Variants in RBFOX1 observed in about 807,000 individuals in gnomAD.
The protein encoded by RBFOX1 is RNA binding protein fox-1 homolog 1.
In RBFOX1, 8 loss-of-function variants were observed where a neutral mutation model predicts 57.7. The ratio of observed to expected loss-of-function variants is 0.14; its 90% CI spans 0.08 to 0.25. The LOEUF (loss-of-function observed/expected upper bound fraction) is 0.25. Among genes scored for constraint, RBFOX1 ranks in the 10% least tolerant of loss-of-function variants. RBFOX1 has a pLI of 1.00. For synonymous variants in RBFOX1, 326 were observed against 222.4 expected (o/e 1.47, Z -4.15); for missense variants, 611 against 548.5 (o/e 1.11, Z -1.14).
At chr16:5,849,843 C>A (rs970032695) in intron 3 of RBFOX1, among the ~76,000 whole-genome samples, 1 of 152,154 alleles carries the variant, frequency 6.6e-6, no homozygotes, top group African/African-American at 2.4e-5. Context: ...GTATTCTTTT[C>A]CCAAGAGGCA....
chr16:6,408,128 G>A (rs1362041180), intron 2 of RBFOX1, among the ~76,000 whole-genome samples: 1 of 152,074 alleles, frequency 6.6e-6, no homozygotes, highest in Non-Finnish European at 1.5e-5. Flanking sequence ...CCTTGATCTT[G>A]GACTTCCCTG....
chr16:6,829,261 T>C (rs557222410), intron 3 of RBFOX1, among the ~76,000 whole-genome samples: 3 of 133,862 alleles, frequency 2.2e-5, no homozygotes, highest in South Asian at 2.4e-4. Context: ...AAAAAAAAAA[T>C]AGCATAAAAG....
chr16:6,883,033 C>A (rs904809362), intron 3 of RBFOX1, among the ~76,000 whole-genome samples: 1 of 152,138 alleles, frequency 6.6e-6, no homozygotes, highest in African/African-American at 2.4e-5. Flanking sequence ...CTAGATAACC[C>A]ATATGTCTCC....
chr16:5,573,462 G>A (rs1303695511), intron 2 of RBFOX1, among the ~76,000 whole-genome samples: 1 of 152,216 alleles, frequency 6.6e-6, no homozygotes, highest in East Asian at 1.9e-4. Context: ...ATCGCTGGAG[G>A]CAGAGCCTGA....
chr16:6,949,026 C>T (rs575713062), intron 3 of RBFOX1, among the ~76,000 whole-genome samples: 5 of 152,160 alleles, frequency 3.3e-5, no homozygotes, highest in South Asian at 2.1e-4. Context: ...AAAAGAAATT[C>T]GACTCTATGG....
chr16:6,244,619 C>T (rs998104115), intron 1 of RBFOX1, among the ~76,000 whole-genome samples: 3 of 152,176 alleles, frequency 2.0e-5, no homozygotes, highest in Non-Finnish European at 2.9e-5. Flanking sequence ...AAGCAATTCT[C>T]CTGCCTCAGC....
Position 7,040,719 on chromosome 16 carries a change from A to T in RBFOX1, c.-15-11338A>T, listed in dbSNP as rs529519826. 2.4e-4 allele frequency among the ~76,000 whole-genome samples: 37 copies of T among 152,292 alleles called. No individual in the cohort carries two copies. In the South Asian group the frequency reaches 7.5e-3, roughly 31 times the overall value. On this transcript the variant is annotated intron_variant, in intron 3 of 15. Transcript: ENST00000550418. Reference sequence around the variant, plus strand: ...ATAGTTTTTTATACACAAATGGATTATAGGTTAAAAATGATTTTAACTTGC... The same window carrying T: ...ATAGTTTTTTATACACAAATGGATTTTAGGTTAAAAATGATTTTAACTTGC...
At position 7,001,398 on chromosome 16, in the gene RBFOX1, T is replaced by TGTATG. The variant is rs2092782327; in HGVS notation, c.-15-50659_-15-50658insGTATG. On this transcript the variant is annotated intron_variant, in intron 3 of 15. Transcript: ENST00000550418. ...TGTGTATGTGTATGTGTATGTGTATTTGTATATGTATATGTATATGTATAT... is the reference window on the plus strand; with the variant it reads ...TGTGTATGTGTATGTGTATGTGTATTGTATGTGTATATGTATATGTATATGTATAT... 8.1e-3 allele frequency among the ~76,000 whole-genome samples: 818 copies of TGTATG among 100,726 alleles called. 9 individuals carry two copies. Among genetic ancestry groups the TGTATG allele is most frequent in the African/African-American group, 0.026 (746 of 28,828 alleles). 66.1% of individuals were successfully genotyped at this position (100,726 alleles called of 152,430 possible).
At chr16:5,959,616 C>T (rs753374303) in intron 4 of RBFOX1, among the ~76,000 whole-genome samples, 7 of 152,150 alleles carry the variant, frequency 4.6e-5, no homozygotes, top group Admixed American at 2.0e-4. Context: ...AGCAAAAATA[C>T]AACTGAGTTT....
chr16:6,833,477 T>C (rs1269749596), intron 3 of RBFOX1, among the ~76,000 whole-genome samples: 1 of 152,148 alleles, frequency 6.6e-6, no homozygotes, highest in African/African-American at 2.4e-5. Context: ...TCAAGCTTTA[T>C]TTTAGCTCCC....
intron 3 of RBFOX1, among the ~76,000 whole-genome samples, chr16:5,673,016 C>A (rs1199144174): frequency 6.6e-6 from 1 of 152,026 alleles, no homozygotes; most frequent in Non-Finnish European, 1.5e-5. Context: ...AGAGAAGCCT[C>A]CACTCTGGGG....
At chr16:5,702,900 G>A (rs147737791) in intron 3 of RBFOX1, among the ~76,000 whole-genome samples, 15 of 152,248 alleles carry the variant, frequency 9.9e-5, no homozygotes, top group African/African-American at 2.4e-4. Flanking sequence ...GGGAATAGGG[G>A]ATACTTTCAT....
intron 4 of RBFOX1, among the ~76,000 whole-genome samples, chr16:7,285,105 T>TTA (rs2095623449): frequency 1.5e-5 from 2 of 135,284 alleles, no homozygotes; most frequent in Non-Finnish European, 3.1e-5. Flanking sequence ...TTTTTTTTTT[T>TTA]AGCAACCTGT....
rs113755475 is a variant in RBFOX1, at chr16:6,344,028, T to C, written c.-64+26971T>C. Among the ~76,000 whole-genome samples the C allele has an allele frequency of 1.7e-3, 257 of 152,244 alleles. 1 individual carries two copies. The highest frequency in any genetic ancestry group is 5.9e-3 in the African/African-American group (245 of 41,536). On this transcript the variant is annotated intron_variant, in intron 2 of 15. Coordinates refer to ENST00000550418, the MANE Select transcript of RBFOX1 (RefSeq NM_018723.4). Reference sequence around the variant, plus strand: ...CATCGGAGACTGTGATGAAAGGAGGTAATCAGTCCTTCTTCATCTCTATTT... The same window carrying C: ...CATCGGAGACTGTGATGAAAGGAGGCAATCAGTCCTTCTTCATCTCTATTT...
At chr16:6,497,791 A>T (rs1390119415) in intron 2 of RBFOX1, among the ~76,000 whole-genome samples, 2 of 151,904 alleles carry the variant, frequency 1.3e-5, no homozygotes, top group Non-Finnish European at 2.9e-5. Flanking sequence ...TCCTGACCTC[A>T]AGTGATCCAC....
chr16:7,688,595 C>T (rs2076635987), intron 14 of RBFOX1, among the ~76,000 whole-genome samples: 1 of 151,886 alleles, frequency 6.6e-6, no homozygotes. Context: ...AGGAAAACTG[C>T]CAAGAGATGA....
chr16:6,757,675 T>C (rs1396109516), intron 3 of RBFOX1, among the ~76,000 whole-genome samples: 2 of 152,236 alleles, frequency 1.3e-5, no homozygotes. Flanking sequence ...GAGGGGAGGC[T>C]GATTAATAAG....
intron 4 of RBFOX1, among the ~76,000 whole-genome samples, chr16:7,053,997 C>A (rs983542196): frequency 2.0e-5 from 3 of 151,926 alleles, no homozygotes; most frequent in African/African-American, 7.3e-5. Flanking sequence ...GTGACTTAGG[C>A]GTCTAGTTCC....
intron 4 of RBFOX1, among the ~76,000 whole-genome samples, chr16:5,970,341 C>G (rs1477001759): frequency 1.3e-5 from 2 of 151,910 alleles, no homozygotes; most frequent in Non-Finnish European, 2.9e-5. Flanking sequence ...TTCCAGAATT[C>G]TAAATATTAA....
Sources: allele counts gnomAD v4.1 joint callset (sites outside exome capture counted in the v4.1 genomes callset), GRCh38; gene constraint gnomAD v4.1.1; transcripts MANE v1.5; gene names NCBI Gene and HGNC (gene_info 2026-07-23, HGNC 2026-07-21).